PAX6: variants seen among roughly 807,000 people sequenced by gnomAD.
PAX6 encodes paired box protein Pax-6.
Under a neutral mutation model 60.7 loss-of-function variants are expected in PAX6, and 7 were observed. The observed-to-expected ratio is 0.12, with a 90% confidence interval of 0.07 to 0.22. The LOEUF is 0.22. Among genes scored for constraint, PAX6 ranks in the 10% least tolerant of loss-of-function variants. PAX6 has a pLI of 1.00. For missense variants in PAX6, 355 were observed against 555.2 expected (o/e 0.64, Z 3.62); for synonymous variants, 208 against 201.2 (o/e 1.03, Z -0.29).
At position 31,800,974 on chromosome 11, in the gene PAX6, A is replaced by T; in HGVS notation, c.400-118T>A. The stretch of plus-strand genomic sequence containing the variant: ...TCAACCCGTTAAAAAGCTCCCAGCC[A>T]CCCCGGGACAGTGGGTGGATTTGCA... On this transcript the variant is annotated intron_variant, in intron 7 of 13. Coordinates refer to ENST00000640368, the MANE Select transcript of PAX6 (RefSeq NM_001368894.2). 3 of 1,057,382 alleles carry T rather than the reference A, an allele frequency of 2.8e-6. No homozygotes were observed. The South Asian group carries it at 3.9e-5, about 14-fold the overall frequency. 65.5% of individuals were successfully genotyped at this position (1,057,382 alleles called of 1,614,324 possible).
At chr11:31,814,059 C>A (rs1415273344), upstream of PAX6, 1 of 152,032 alleles carries the variant, frequency 6.6e-6, no homozygotes, top group Admixed American at 6.5e-5. Flanking sequence ...CCCTCCAAGA[C>A]GCGGGGGGGC....
At position 31,794,646 on chromosome 11, in the gene PAX6, A is replaced by C; in HGVS notation, c.708T>G (p.Ile236Met). 6.2e-7 allele frequency: 1 copy of C among 1,614,194 alleles called. No individual in the cohort carries two copies. Among genetic ancestry groups the C allele is most frequent in the Non-Finnish European group, 8.5e-7 (1 of 1,180,028 alleles). The change falls in exon 9 of 14, where the codon ATT becomes ATG. Residue 236 changes from isoleucine (I) to methionine (M), a missense_variant. This residue lies in a region of PAX6 where 143 missense variants were observed against 183.6 expected (regional missense o/e 0.78). Coordinates refer to ENST00000640368, the MANE Select transcript of PAX6 (RefSeq NM_001368894.2). The part of the protein sequence containing the change: ...RNRTSFTQEQ[I>M]EALEKEFERT... ...CTCTATCACCTTTCTCCAGGGCCTC[A>C]ATTTGCTCTTGGGTAAAGGATGTTC... is the stretch of plus-strand genomic sequence containing the variant.
At chr11:31,793,626 T>G in intron 11 of PAX6, 26 bp downstream of exon 11, 1 of 1,614,126 alleles carries the variant, frequency 6.2e-7, no homozygotes, top group Non-Finnish European at 8.5e-7. Context: ...AAGACATTGA[T>G]TCGTAGTATT....
At position 31,790,260 on chromosome 11, in the gene PAX6, G is replaced by GA. The variant is rs35644855; in HGVS notation, c.1226-242dup. 4.6e-3 allele frequency: 2,214 copies of GA among 482,712 alleles called. 21 individuals carry two copies. The highest frequency in any genetic ancestry group is 0.027 in the African/African-American group (1,358 of 50,132). 29.9% of individuals were successfully genotyped at this position (482,712 alleles called of 1,614,324 possible). ...CCCCCCACCCCAATCCAAAGGAAAA[G>GA]AAAAAAAAAATCCTCTGTTTGTTTG... On this transcript the variant is annotated intron_variant, in intron 13 of 13. Coordinates refer to ENST00000640368, the MANE Select transcript of PAX6 (RefSeq NM_001368894.2).
rs1041198076 is a variant in PAX6 at position 31,794,266 on chromosome 11, A to G, written c.725-152T>C. On this transcript the variant is annotated intron_variant, in intron 9 of 13. Coordinates refer to ENST00000640368, the MANE Select transcript of PAX6 (RefSeq NM_001368894.2). ...TCTAGTGTTGACTGTACTTGGAAGA[A>G]CTTTCCCACCAGAACCAAGTTAAAT... 1.2e-5 allele frequency: 9 copies of G among 731,750 alleles called. No homozygotes were observed. The South Asian group carries it at 1.3e-4, about 11-fold the overall frequency. The allele number at this position is 731,750 out of a possible 1,614,324, so 45.3% of individuals were successfully genotyped here.
intron 8 of PAX6, among the ~76,000 whole-genome samples, chr11:31,796,130 G>T (rs986216025): frequency 1.3e-5 from 2 of 152,168 alleles, no homozygotes; most frequent in African/African-American, 4.8e-5. Flanking sequence ...CGGATTCATC[G>T]GCACTGGCCA....
chr11:31,808,615 T>A (rs919428297), intron 2 of PAX6: 1 of 151,364 alleles, frequency 6.6e-6, no homozygotes, highest in Non-Finnish European at 1.5e-5. Context: ...AATGCTCCCA[T>A]CCTGGCTTGT....
chr11:31,794,595 A>G, intron 9 of PAX6, 35 bp downstream of exon 9: 1 of 1,612,544 alleles, frequency 6.2e-7, no homozygotes, highest in East Asian at 2.2e-5. Flanking sequence ...ATTTACTTTG[A>G]TTTACTGCTT....
rs1955812800 is a variant in PAX6 at position 31,806,386 on chromosome 11, G to C, written c.10+16C>G. The C allele has an allele frequency of 6.2e-7, 1 of 1,607,800 alleles. No homozygotes were observed. Among genetic ancestry groups the C allele is most frequent in the Non-Finnish European group, 8.5e-7 (1 of 1,177,408 alleles). ...CACCCCGAGCCCGAAGTCCCAGAAAGACCAGAGGCACTTACTGTTCTGCAT... is the reference window on the plus strand; with the variant it reads ...CACCCCGAGCCCGAAGTCCCAGAAACACCAGAGGCACTTACTGTTCTGCAT... On this transcript the variant is annotated intron_variant, in intron 4 of 13. Transcript: ENST00000640368.
At chr11:31,816,803 G>C (rs1241135160) in intron 1 of PAX6, among the ~76,000 whole-genome samples, 1 of 152,254 alleles carries the variant, frequency 6.6e-6, no homozygotes, top group Non-Finnish European at 1.5e-5. Context: ...GCAGGAGCGC[G>C]AGTGGGAGTG....
chr11:31,813,677 A>T (rs949482153), upstream of PAX6, among the ~76,000 whole-genome samples: 2 of 152,116 alleles, frequency 1.3e-5, no homozygotes, highest in Non-Finnish European at 2.9e-5. Flanking sequence ...GGGCTCCGGG[A>T]AAGACTCCTG....
chr11:31,801,159 T>C, intron 7 of PAX6: 1 of 1,127,736 alleles, frequency 8.9e-7, no homozygotes. Flanking sequence ...AAATAAAAAC[T>C]ATTTAGACTT....
intron 8 of PAX6, among the ~76,000 whole-genome samples, chr11:31,797,207 C>CT (rs1951861040): frequency 6.6e-6 from 1 of 152,030 alleles, no homozygotes; most frequent in Non-Finnish European, 1.5e-5. Flanking sequence ...CCATGCCTTC[C>CT]TAGGGGCCCC....
chr11:31,806,059 C>G (rs1811257174), intron 4 of PAX6: 2 of 361,582 alleles, frequency 5.5e-6, no homozygotes, highest in Non-Finnish European at 9.8e-6. Context: ...CCGCCCTGAT[C>G]AGCCCAGCCC....
intron 4 of PAX6, chr11:31,803,291 A>C (rs1954716908): frequency 4.6e-6 from 1 of 215,812 alleles, no homozygotes; most frequent in Non-Finnish European, 9.5e-6. Context: ...AACCGGCTCT[A>C]TAAATCTCCC....
rs759391101 is a variant in PAX6, at chr11:31,789,912, CTT to C, written c.*20_*21del. On this transcript the variant is annotated 3_prime_UTR_variant, in exon 14 of 14. Coordinates refer to ENST00000640368, the MANE Select transcript of PAX6 (RefSeq NM_001368894.2). ...CTGAATTAACACAATATTTCCTTTCCTTTTTTTTTTTTTTTTTTTTTTTACTG... is the reference window on the plus strand; with the variant it reads ...CTGAATTAACACAATATTTCCTTTCCTTTTTTTTTTTTTTTTTTTTTACTG... 110,329 of 975,018 alleles carry C rather than the reference CTT, an allele frequency of 0.11. 11 individuals carry two copies. Among genetic ancestry groups the C allele is most frequent in the Non-Finnish European group, 0.12 (83,269 of 682,616 alleles). The allele number at this position is 975,018 out of a possible 1,614,324, so 60.4% of individuals were successfully genotyped here. A position where few individuals can be genotyped will look rare whatever the true frequency, so the allele number is the denominator to read the frequency against.
chr11:31,807,254 A>G (rs1014615118), intron 2 of PAX6: 1 of 152,456 alleles, frequency 6.6e-6, no homozygotes, highest in Non-Finnish European at 1.5e-5. Flanking sequence ...AGAGGCCAAG[A>G]GCTGAGGTTG....
chr11:31,810,636 C>A (rs1956874558), intron 2 of PAX6, 192 bp downstream of exon 2: 1 of 379,502 alleles, frequency 2.6e-6, no homozygotes, highest in Non-Finnish European at 4.7e-6. Context: ...CGCCGGCAGT[C>A]GCCCTCCGAC....
At chr11:31,800,214 C>T (rs1953184355) in intron 8 of PAX6, among the ~76,000 whole-genome samples, 1 of 152,118 alleles carries the variant, frequency 6.6e-6, no homozygotes, top group African/African-American at 2.4e-5. Context: ...CCATCCCCGA[C>T]TCGCCCTGCA....
Sources: allele counts gnomAD v4.1 joint callset (sites outside exome capture counted in the v4.1 genomes callset), GRCh38; gene constraint gnomAD v4.1.1; regional missense constraint gnomAD v4.1.1; transcripts MANE v1.5; gene names NCBI Gene and HGNC (gene_info 2026-07-23, HGNC 2026-07-21).